The following MVB12B variants were observed in gnomAD, a reference collection of about 807,000 sequenced individuals.
MVB12B encodes the protein multivesicular body subunit 12B, also known as ESCRT-I complex subunit MVB12B.
Under a neutral mutation model 41.6 loss-of-function variants are expected in MVB12B, and 16 were observed. That is an observed-to-expected ratio of 0.38 (90% CI 0.26 to 0.58). The LOEUF is 0.58. MVB12B is among the 20% of genes least tolerant of loss of function. MVB12B has a pLI of 0.62. For synonymous variants in MVB12B, 133 were observed against 139.7 expected (o/e 0.95, Z 0.34); for missense variants, 274 against 380.2 (o/e 0.72, Z 2.32).
intron 8 of MVB12B, among the ~76,000 whole-genome samples, chr9:126,482,774 C>T (rs1424448995): frequency 6.6e-6 from 1 of 151,962 alleles, no homozygotes; most frequent in Non-Finnish European, 1.5e-5. Context: ...CCAAGATCGC[C>T]CTCGCGAATG....
Position 126,376,634 on chromosome 9 carries a change from C to G in MVB12B, c.205-4430C>G. 1 of 1,289,026 alleles carries G rather than the reference C, an allele frequency of 7.8e-7. No individual in the cohort carries two copies. Among genetic ancestry groups the G allele is most frequent in the South Asian group, 1.2e-5 (1 of 81,008 alleles). The allele number at this position is 1,289,026 out of a possible 1,614,324, so 79.8% of individuals were successfully genotyped here. A position where few individuals can be genotyped will look rare whatever the true frequency, so the allele number is the denominator to read the frequency against. On this transcript the variant is annotated intron_variant, in intron 2 of 9. Transcript: ENST00000361171. This position sits in a 1 kb window ranked among gnomAD's most constrained non-coding sequence, Gnocchi z 4.1. Reference sequence around the variant, plus strand: ...GGCTGGAAGCAAGAAGGAGGGTAAGCGCGGGTGGCAGGGAGGGGCCTGCCA... The same window carrying G: ...GGCTGGAAGCAAGAAGGAGGGTAAGGGCGGGTGGCAGGGAGGGGCCTGCCA...
At chr9:126,378,213 G>A (rs1351268793) in intron 2 of MVB12B, among the ~76,000 whole-genome samples, 1 of 152,226 alleles carries the variant, frequency 6.6e-6, no homozygotes, top group African/African-American at 2.4e-5. Context: ...GTGGGCGTGG[G>A]CACTGTCAGG....
chr9:126,449,122 C>T (rs566035726), intron 7 of MVB12B, among the ~76,000 whole-genome samples: 5 of 152,264 alleles, frequency 3.3e-5, no homozygotes, highest in South Asian at 2.1e-4. Context: ...AAGGGGCATT[C>T]GTTCACTGGG....
chr9:126,351,357 A>G (rs1829741429), intron 2 of MVB12B, among the ~76,000 whole-genome samples: 1 of 151,130 alleles, frequency 6.6e-6, no homozygotes, highest in South Asian at 2.1e-4. Context: ...TCCCATCTGT[A>G]TGCCTTTTAT....
intron 9 of MVB12B, among the ~76,000 whole-genome samples, chr9:126,489,005 G>C (rs1833677724): frequency 6.6e-6 from 1 of 152,218 alleles, no homozygotes; most frequent in Non-Finnish European, 1.5e-5. Context: ...GACACAGATG[G>C]CCTGGCCTAG....
intron 2 of MVB12B, among the ~76,000 whole-genome samples, chr9:126,368,708 A>T (rs1424293153): frequency 1.3e-5 from 2 of 152,180 alleles, no homozygotes; most frequent in Non-Finnish European, 2.9e-5. Context: ...TTTTTACCAA[A>T]AAAGTATTTA....
At chr9:126,485,999 G>C (rs1369605113) in intron 9 of MVB12B, among the ~76,000 whole-genome samples, 1 of 152,026 alleles carries the variant, frequency 6.6e-6, no homozygotes, top group Non-Finnish European at 1.5e-5. Flanking sequence ...GTTTTCTCTT[G>C]TGTACCCAGC....
At chr9:126,450,264 TC>T (rs995047358) in intron 7 of MVB12B, among the ~76,000 whole-genome samples, 57 of 152,326 alleles carry the variant, frequency 3.7e-4, no homozygotes, top group African/African-American at 1.3e-3. Context: ...AAGCTCCACT[TC>T]CTCTCATTAG....
At chr9:126,327,070 C>A in intron 1 of MVB12B, 60 bp downstream of exon 1, 1 of 143,606 alleles carries the variant, frequency 7.0e-6, no homozygotes, top group Non-Finnish European at 1.4e-5. Context: ...GCCGGGAGGG[C>A]GGGCGGGCGG....
intron 3 of MVB12B, among the ~76,000 whole-genome samples, chr9:126,382,766 G>A (rs1419817864): frequency 2.0e-5 from 3 of 152,128 alleles, no homozygotes; most frequent in Non-Finnish European, 2.9e-5. Context: ...TTGGTACCTA[G>A]GCTAGCAGAG....
chr9:126,461,434 A>G (rs1833087159), intron 7 of MVB12B, among the ~76,000 whole-genome samples: 1 of 152,248 alleles, frequency 6.6e-6, no homozygotes, highest in African/African-American at 2.4e-5. Context: ...TGAGCCATGT[A>G]GAAAAATTAT....
At chr9:126,455,887 C>CTTTTTTTTTTTTTTTTTTT (rs3983803) in intron 7 of MVB12B, among the ~76,000 whole-genome samples, 3 of 103,052 alleles carry the variant, frequency 2.9e-5, no homozygotes, top group African/African-American at 4.0e-5. Flanking sequence ...TTCTTTCTTT[C>CTTTTTTTTTTTTTTTTTTT]TTTTTTTTTT....
At position 126,367,127 on chromosome 9, in the gene MVB12B, C is replaced by CA. The variant is rs1173392784; in HGVS notation, c.205-13936dup. ...TCTGCTACCAGCTGGATAAGGTCCT[C>CA]ACAAGTCTTGACGCGGGTAGTTTCT... On this transcript the variant is annotated intron_variant, in intron 2 of 9. Transcript: ENST00000361171. The surrounding 1 kb of genome is among the most constrained non-coding windows in gnomAD (Gnocchi z 4.3). Among the ~76,000 whole-genome samples, 1 of 152,108 alleles carries CA rather than the reference C, an allele frequency of 6.6e-6. No individual in the cohort carries two copies. The highest frequency in any genetic ancestry group is 1.5e-5 in the Non-Finnish European group (1 of 68,008).
chr9:126,446,004 G>A (rs1444855390), intron 7 of MVB12B, among the ~76,000 whole-genome samples: 1 of 152,142 alleles, frequency 6.6e-6, no homozygotes, highest in East Asian at 1.9e-4. Flanking sequence ...AGTGGCAGTA[G>A]TTTTCATTCT....
chr9:126,380,985 C>T (rs1830620071), intron 2 of MVB12B, 79 bp from the exon 3 acceptor site: 5 of 1,011,730 alleles, frequency 4.9e-6, no homozygotes, highest in South Asian at 1.3e-5. Flanking sequence ...TTGGAACAGG[C>T]GTGGAAGAAG....
intron 7 of MVB12B, among the ~76,000 whole-genome samples, chr9:126,458,858 A>C (rs2119172832): frequency 6.6e-6 from 1 of 152,370 alleles, no homozygotes; most frequent in Middle Eastern, 3.4e-3. Context: ...CCTTAGCTTC[A>C]AAATAGGAAG....
At chr9:126,472,711 T>C (rs1161961539) in intron 7 of MVB12B, among the ~76,000 whole-genome samples, 1 of 152,220 alleles carries the variant, frequency 6.6e-6, no homozygotes, top group East Asian at 1.9e-4. Flanking sequence ...CTGATTTCTA[T>C]GTACTGGCAC....
chr9:126,401,737 C>G (rs533466294), intron 6 of MVB12B, among the ~76,000 whole-genome samples: 1 of 152,374 alleles, frequency 6.6e-6, no homozygotes, highest in Non-Finnish European at 1.5e-5. Context: ...ATGAGCGTGC[C>G]ACGCTCCGTC....
chr9:126,327,456 T>G (rs1829014615), intron 1 of MVB12B, among the ~76,000 whole-genome samples: 1 of 152,178 alleles, frequency 6.6e-6, no homozygotes, highest in African/African-American at 2.4e-5. Flanking sequence ...GGAGCATCAC[T>G]GCCTCTGTGA....
Sources: gnomAD v4.1 joint callset for allele counts (sites outside exome capture counted in the v4.1 genomes callset) on GRCh38, gnomAD v4.1.1 for gene constraint, Gnocchi (gnomAD v3.1) non-coding constraint, MANE v1.5 for transcripts, NCBI Gene and HGNC (gene_info 2026-07-23, HGNC 2026-07-21) for gene names.